RABGAP1L: variants seen among roughly 807,000 people sequenced by gnomAD.
RABGAP1L encodes the protein rab GTPase-activating protein 1-like.
RABGAP1L carries 63 observed loss-of-function variants against 137.7 expected under a neutral mutation model. That is an observed-to-expected ratio of 0.46 (90% CI 0.37 to 0.56). The LOEUF (loss-of-function observed/expected upper bound fraction) is 0.56. Among genes scored for constraint, RABGAP1L ranks in the 20% least tolerant of loss-of-function variants. The probability of loss-of-function intolerance (pLI) is 0.00; values close to 1 mark genes in which losing one functional copy is unlikely to be tolerated. For synonymous variants in RABGAP1L, 431 were observed against 433.7 expected, an observed-to-expected ratio of 0.99 and a Z score of 0.08; for missense variants, 1,095 against 1,244.0, an observed-to-expected ratio of 0.88 and a Z score of 1.80.
intron 13 of RABGAP1L, among the ~76,000 whole-genome samples, chr1:174,621,532 C>G (rs924482673): frequency 6.6e-6 from 1 of 152,120 alleles, no homozygotes; most frequent in Non-Finnish European, 1.5e-5. Context: ...CAGAACAGAG[C>G]CCTCAGAAGT....
intron 17 of RABGAP1L, among the ~76,000 whole-genome samples, chr1:174,732,193 A>G (rs1313828831): frequency 1.0e-5 from 1 of 98,890 alleles, no homozygotes; most frequent in African/African-American, 7.0e-5. Flanking sequence ...GTGAGACCCC[A>G]TCCCCCCCAA....
chr1:174,580,522 A>G (rs1000374165), intron 13 of RABGAP1L, among the ~76,000 whole-genome samples: 9 of 152,178 alleles, frequency 5.9e-5, no homozygotes, highest in African/African-American at 1.7e-4. Flanking sequence ...TCAGCAAACT[A>G]TCACAAGGAC....
intron 4 of RABGAP1L, among the ~76,000 whole-genome samples, chr1:174,232,760 CA>C (rs374392523): frequency 0.016 from 1,900 of 121,802 alleles, 33 homozygotes; most frequent in African/African-American, 0.048. Context: ...GACGCCATCT[CA>C]AAAAAAAAAA....
chr1:174,347,552 G>T (rs935572340), intron 11 of RABGAP1L, among the ~76,000 whole-genome samples: 1 of 151,492 alleles, frequency 6.6e-6, no homozygotes, highest in Non-Finnish European at 1.5e-5. Context: ...GAGTGCAGTG[G>T]TGCGATCTTG....
intron 13 of RABGAP1L, among the ~76,000 whole-genome samples, chr1:174,460,160 A>T (rs545137653): frequency 1.2e-4 from 19 of 152,226 alleles, no homozygotes; most frequent in African/African-American, 4.3e-4. Context: ...TTGTAAAAGG[A>T]TGAGTTATAG....
In RABGAP1L at chr1:174,371,019, TA is replaced by T; in HGVS notation, c.1508del (p.Lys503ArgfsTer15). On this transcript the variant is annotated frameshift_variant, in exon 12 of 26. Coordinates refer to ENST00000681986, the MANE Select transcript of RABGAP1L (RefSeq NM_001366446.1). LOFTEE classifies it high-confidence loss of function. The part of the protein sequence containing the change: ...ELSSGTGDVS[K>X]DCPEKILYSW... ...TCTCAAGTGGAACAGGTGATGTGTC[TA>T]AGGATTGTCCTGAGAAGATCCTGTA... The T allele has an allele frequency of 6.6e-7, 1 of 1,509,194 alleles. No homozygotes were observed. Among genetic ancestry groups the T allele is most frequent in the Non-Finnish European group, 9.0e-7 (1 of 1,111,846 alleles). 93.5% of individuals were successfully genotyped at this position (1,509,194 alleles called of 1,614,324 possible). A position where few individuals can be genotyped will look rare whatever the true frequency, so the allele number is the denominator to read the frequency against.
chr1:174,489,222 A>G (rs1394373129), intron 13 of RABGAP1L, among the ~76,000 whole-genome samples: 1 of 152,180 alleles, frequency 6.6e-6, no homozygotes, highest in Non-Finnish European at 1.5e-5. Context: ...AAAAGAAGCT[A>G]CCATCAGAGT....
intron 19 of RABGAP1L, among the ~76,000 whole-genome samples, chr1:174,842,534 T>G (rs138992500): frequency 6.6e-6 from 1 of 152,226 alleles, no homozygotes; most frequent in East Asian, 1.9e-4. Context: ...TCATTTATCT[T>G]CATGATAACC....
At chr1:174,453,378 T>G (rs1227399449) in intron 13 of RABGAP1L, among the ~76,000 whole-genome samples, 1 of 152,236 alleles carries the variant, frequency 6.6e-6, no homozygotes, top group Non-Finnish European at 1.5e-5. Flanking sequence ...TATGTGAATT[T>G]AAAGATAAAT....
At chr1:174,957,925 T>A in intron 20 of RABGAP1L, 1 of 1,583,244 alleles carries the variant, frequency 6.3e-7, no homozygotes, top group Non-Finnish European at 8.6e-7. Flanking sequence ...GCTGTTGCAT[T>A]TATACTGGGA....
At chr1:174,871,703 G>GA (rs2149055522) in intron 19 of RABGAP1L, among the ~76,000 whole-genome samples, 1 of 152,250 alleles carries the variant, frequency 6.6e-6, no homozygotes, top group African/African-American at 2.4e-5. Context: ...CATGTGAAAT[G>GA]ATTTCATTTC....
At chr1:174,881,789 C>A (rs1654271428) in intron 19 of RABGAP1L, among the ~76,000 whole-genome samples, 1 of 152,038 alleles carries the variant, frequency 6.6e-6, no homozygotes, top group South Asian at 2.1e-4. Flanking sequence ...TGTGAGCCAC[C>A]ATACCTGGCC....
At chr1:174,549,956 C>T (rs1242043862) in intron 13 of RABGAP1L, among the ~76,000 whole-genome samples, 3 of 152,102 alleles carry the variant, frequency 2.0e-5, no homozygotes, top group Non-Finnish European at 4.4e-5. Flanking sequence ...TGCTTGAGCC[C>T]ATGAGTTGAA....
intron 11 of RABGAP1L, among the ~76,000 whole-genome samples, chr1:174,349,772 G>T (rs1389031527): frequency 1.3e-4 from 16 of 122,212 alleles, no homozygotes; most frequent in South Asian, 2.7e-4. Context: ...GCGGCTGGCC[G>T]GGCAGAGGGG....
chr1:174,753,707 C>G (rs1684514230), intron 18 of RABGAP1L, among the ~76,000 whole-genome samples: 1 of 152,070 alleles, frequency 6.6e-6, no homozygotes, highest in Non-Finnish European at 1.5e-5. Context: ...AACATGTCCT[C>G]TCAACAGGGC....
chr1:174,350,032 C>A (rs1359063226), intron 11 of RABGAP1L, among the ~76,000 whole-genome samples: 1 of 115,830 alleles, frequency 8.6e-6, no homozygotes, highest in Admixed American at 8.0e-5. Flanking sequence ...CCAGTAGGGG[C>A]GGCCGGGCAG....
chr1:174,452,860 C>G (rs994124014), intron 13 of RABGAP1L, among the ~76,000 whole-genome samples: 1 of 151,908 alleles, frequency 6.6e-6, no homozygotes, highest in Non-Finnish European at 1.5e-5. Flanking sequence ...TGCACCCAGC[C>G]GGTAGCTGCT....
chr1:174,234,729 A>C (rs1264152854), intron 4 of RABGAP1L, among the ~76,000 whole-genome samples: 1 of 150,166 alleles, frequency 6.7e-6, no homozygotes, highest in Non-Finnish European at 1.5e-5. Context: ...CTTTTGGCTT[A>C]GGATTGACTT....
intron 20 of RABGAP1L, chr1:174,958,200 G>T: frequency 1.5e-6 from 2 of 1,358,086 alleles, no homozygotes; most frequent in South Asian, 1.2e-5. Flanking sequence ...AGTGGTGTTT[G>T]TTGCAACATT....
Sources: allele counts gnomAD v4.1 joint callset (sites outside exome capture counted in the v4.1 genomes callset), GRCh38; gene constraint gnomAD v4.1.1; transcripts MANE v1.5; gene names NCBI Gene and HGNC (gene_info 2026-07-23, HGNC 2026-07-21).